RBFOX1: variants seen among roughly 807,000 people sequenced by gnomAD.
The protein encoded by RBFOX1 is RNA binding protein fox-1 homolog 1.
Under a neutral mutation model 57.7 loss-of-function variants are expected in RBFOX1, and 8 were observed. The ratio of observed to expected loss-of-function variants is 0.14; its 90% CI spans 0.08 to 0.25. The LOEUF is 0.25. Among genes scored for constraint, RBFOX1 ranks in the 10% least tolerant of loss-of-function variants. The probability of loss-of-function intolerance (pLI) is 1.00; values close to 1 mark genes in which losing one functional copy is unlikely to be tolerated. For missense variants in RBFOX1, 611 were observed against 548.5 expected (o/e 1.11, Z -1.14); for synonymous variants, 326 against 222.4 (o/e 1.47, Z -4.15).
At chr16:5,553,739 A>ATG (rs2045562410) in intron 2 of RBFOX1, among the ~76,000 whole-genome samples, 1 of 122,426 alleles carries the variant, frequency 8.2e-6, no homozygotes, top group Non-Finnish European at 1.8e-5. Context: ...ATGTATATAT[A>ATG]TGTGTGTATT....
At position 7,402,271 on chromosome 16, in the gene RBFOX1, C is replaced by T. The variant is rs111772545; in HGVS notation, c.28-115876C>T. On this transcript the variant is annotated intron_variant, in intron 4 of 15. Coordinates refer to ENST00000550418, the MANE Select transcript of RBFOX1 (RefSeq NM_018723.4). ...GTCAACTAAGTTATTCAGTCCCGGA[C>T]GTTGTTAACTGCCCTGAAAGTGGTG... Among the ~76,000 whole-genome samples, 590 of 152,242 alleles carry T rather than the reference C, an allele frequency of 3.9e-3. 7 individuals carry two copies. The highest frequency in any genetic ancestry group is 0.013 in the African/African-American group (560 of 41,554).
intron 2 of RBFOX1, among the ~76,000 whole-genome samples, chr16:5,481,063 C>T (rs1220167277): frequency 6.6e-6 from 1 of 152,210 alleles, no homozygotes; most frequent in Non-Finnish European, 1.5e-5. Context: ...AGTCTACTAG[C>T]TCTAAAAATA....
intron 3 of RBFOX1, among the ~76,000 whole-genome samples, chr16:6,868,696 T>G (rs988789836): frequency 6.6e-6 from 1 of 152,184 alleles, no homozygotes; most frequent in African/African-American, 2.4e-5. Context: ...GGTCAGAACT[T>G]CTGATCTCAG....
At chr16:5,694,948 G>A (rs1224765381) in intron 3 of RBFOX1, among the ~76,000 whole-genome samples, 1 of 151,878 alleles carries the variant, frequency 6.6e-6, no homozygotes, top group African/African-American at 2.4e-5. Context: ...GTTAGTAATG[G>A]TTGTGGAATT....
chr16:7,229,699 G>A lies in RBFOX1; in HGVS notation c.27+177601G>A, dbSNP rs577663449. The stretch of plus-strand genomic sequence containing the variant: ...AAGGGAGAGAGACGAAGGAAGAGGG[G>A]AAGGAAGGAAGGGAGAGAGAGGAAG... On this transcript the variant is annotated intron_variant, in intron 4 of 15. Coordinates refer to ENST00000550418, the MANE Select transcript of RBFOX1 (RefSeq NM_018723.4). 5.3e-3 allele frequency among the ~76,000 whole-genome samples: 441 copies of A among 82,682 alleles called. 25 individuals are homozygous for A. The highest frequency in any genetic ancestry group is 0.016 in the African/African-American group (415 of 25,316). 54.2% of individuals were successfully genotyped at this position (82,682 alleles called of 152,430 possible).
chr16:5,323,539 A>G (rs762089314), intron 1 of RBFOX1, among the ~76,000 whole-genome samples: 1 of 152,254 alleles, frequency 6.6e-6, no homozygotes, highest in Non-Finnish European at 1.5e-5. Context: ...GGCTCTGCAG[A>G]TGCATTGCTC....
intron 3 of RBFOX1, among the ~76,000 whole-genome samples, chr16:6,713,737 C>A: frequency 6.6e-6 from 1 of 152,152 alleles, no homozygotes; most frequent in Admixed American, 6.5e-5. Flanking sequence ...TCCACATCTA[C>A]CTCCTTAGTT....
chr16:6,032,235 C>A (rs565768873), intron 1 of RBFOX1, among the ~76,000 whole-genome samples: 13 of 152,120 alleles, frequency 8.5e-5, no homozygotes. Context: ...TCCTCGTTCT[C>A]GCCTAGGTAG....
At chr16:7,528,928 C>T (rs963752272) in intron 5 of RBFOX1, among the ~76,000 whole-genome samples, 3 of 152,128 alleles carry the variant, frequency 2.0e-5, no homozygotes, top group Non-Finnish European at 4.4e-5. Context: ...GCTATCTTCT[C>T]GTTGCACATA....
chr16:7,557,611 C>G lies in RBFOX1; in HGVS notation c.271-22166C>G, dbSNP rs113390055. Among the ~76,000 whole-genome samples, 371 of 93,276 alleles carry G rather than the reference C, an allele frequency of 4.0e-3. 6 individuals carry two copies. Among genetic ancestry groups the G allele is most frequent in the African/African-American group, 0.016 (353 of 22,016 alleles). 61.2% of individuals were successfully genotyped at this position (93,276 alleles called of 152,430 possible). ...CTCCAGCCTGGGAGACAAAGTTAGA[C>G]TCTGTCTCAAAAAAAAAAAAAAAAA... is the stretch of plus-strand genomic sequence containing the variant. On this transcript the variant is annotated intron_variant, in intron 5 of 15. Transcript: ENST00000550418.
intron 3 of RBFOX1, among the ~76,000 whole-genome samples, chr16:5,814,672 T>C (rs1214927471): frequency 6.6e-6 from 1 of 152,208 alleles, no homozygotes; most frequent in Non-Finnish European, 1.5e-5. Context: ...CTCACGCCTG[T>C]AATCCCAGCA....
intron 4 of RBFOX1, among the ~76,000 whole-genome samples, chr16:7,491,667 G>A (rs903048242): frequency 6.6e-6 from 1 of 151,960 alleles, no homozygotes; most frequent in African/African-American, 2.4e-5. Context: ...GTCTTGCTCT[G>A]TCACCCAGGC....
At chr16:6,060,263 A>T (rs1195834542) in intron 1 of RBFOX1, among the ~76,000 whole-genome samples, 2 of 151,296 alleles carry the variant, frequency 1.3e-5, no homozygotes, top group African/African-American at 4.9e-5. Context: ...CTTCTTAGCC[A>T]CAATTTGGCT....
At chr16:6,847,442 A>T (rs547176275) in intron 3 of RBFOX1, among the ~76,000 whole-genome samples, 1 of 152,072 alleles carries the variant, frequency 6.6e-6, no homozygotes, top group East Asian at 2.0e-4. Flanking sequence ...CTCTGTCATC[A>T]TCTTCACAGC....
intron 3 of RBFOX1, among the ~76,000 whole-genome samples, chr16:5,714,233 C>T (rs2051603783): frequency 6.6e-6 from 1 of 152,188 alleles, no homozygotes; most frequent in Non-Finnish European, 1.5e-5. Context: ...CATTGTGAAT[C>T]TGCACATAGT....
At chr16:6,959,211 C>G (rs1053746498) in intron 3 of RBFOX1, among the ~76,000 whole-genome samples, 1 of 152,158 alleles carries the variant, frequency 6.6e-6, no homozygotes, top group Non-Finnish European at 1.5e-5. Context: ...TCAGATTGTA[C>G]TTAAAAAGTA....
chr16:7,285,592 A>G (rs977926746), intron 4 of RBFOX1, among the ~76,000 whole-genome samples: 6 of 150,144 alleles, frequency 4.0e-5, no homozygotes, highest in South Asian at 2.1e-4. Flanking sequence ...TTTTCTCTCT[A>G]TTTATAAGCT....
At chr16:6,919,391 T>G (rs1309783414) in intron 3 of RBFOX1, among the ~76,000 whole-genome samples, 2 of 152,094 alleles carry the variant, frequency 1.3e-5, no homozygotes, top group Admixed American at 6.5e-5. Context: ...GTTCTCTTAT[T>G]AGCTCCATTT....
chr16:6,248,711 G>C (rs2097584265), intron 1 of RBFOX1, among the ~76,000 whole-genome samples: 1 of 152,070 alleles, frequency 6.6e-6, no homozygotes, highest in African/African-American at 2.4e-5. Flanking sequence ...TTAAGTATGG[G>C]TTTTATAATT....
Sources: allele counts gnomAD v4.1 joint callset (sites outside exome capture counted in the v4.1 genomes callset), GRCh38; gene constraint gnomAD v4.1.1; transcripts MANE v1.5; gene names NCBI Gene and HGNC (gene_info 2026-07-23, HGNC 2026-07-21).